RD3: variants seen among roughly 807,000 people sequenced by gnomAD.
RD3 encodes RD3 regulator of GUCY2D.
Under a neutral mutation model 16.9 loss-of-function variants are expected in RD3, and 11 were observed. The observed-to-expected ratio is 0.65, with a 90% CI of 0.41 to 1.08. RD3 has a LOEUF of 1.08. Among genes scored for constraint, RD3 ranks in the 50% least tolerant of loss-of-function variants. The pLI, the probability that RD3 is intolerant of heterozygous loss-of-function variation, is 0.00. For synonymous variants in RD3, 116 were observed against 114.8 expected (o/e 1.01, Z -0.07); for missense variants, 274 against 267.4 (o/e 1.02, Z -0.17).
At position 211,481,550 on chromosome 1, in the gene RD3, A is replaced by G. The variant is rs867586965; in HGVS notation, c.-11-124T>C. On this transcript the variant is annotated intron_variant, in intron 1 of 2. Coordinates refer to ENST00000680073, the MANE Select transcript of RD3 (RefSeq NM_001164688.2). ...AGGAGAGAAGACCTGCTCTGCCCTA[A>G]CAGTTGAGTGGCCTCAAGTAGGTGG... 9.2e-5 allele frequency: 77 copies of G among 834,324 alleles called. No homozygotes were observed. In the Middle Eastern group the frequency reaches 2.5e-3, roughly 27 times the overall value. 51.7% of individuals were successfully genotyped at this position (834,324 alleles called of 1,614,324 possible).
chr1:211,491,359 T>A (rs186197488), intron 1 of RD3, among the ~76,000 whole-genome samples: 2 of 152,336 alleles, frequency 1.3e-5, no homozygotes, highest in Admixed American at 6.5e-5. Flanking sequence ...CGCAAACCCA[T>A]GCAAGAGTCT....
chr1:211,481,428 T>C lies in RD3; in HGVS notation c.-11-2A>G. The C allele has an allele frequency of 6.2e-7, 1 of 1,611,728 alleles. No homozygotes were observed. Among genetic ancestry groups the C allele is most frequent in the South Asian group, 1.1e-5 (1 of 90,960 alleles). ...AGATGAGAGACATAGCCCCTGGCCC[T>C]GCTGAGACAGGACAGATGTGCATCT... is the stretch of plus-strand genomic sequence containing the variant. On this transcript the variant is annotated splice_acceptor_variant, in intron 1 of 2. Coordinates refer to ENST00000680073, the MANE Select transcript of RD3 (RefSeq NM_001164688.2). LOFTEE classifies it low-confidence loss of function (5UTR_SPLICE).
chr1:211,479,493 C>T (rs2102366708), intron 2 of RD3, among the ~76,000 whole-genome samples, 166 bp from the exon 3 acceptor site: 1 of 152,374 alleles, frequency 6.6e-6, no homozygotes, highest in Admixed American at 6.5e-5. Context: ...ACTGCTTCAA[C>T]CAATCCTGCG....
In RD3 at chr1:211,481,406, T is replaced by C; in HGVS notation, c.10A>G (p.Ile4Val). The C allele has an allele frequency of 6.2e-7, 1 of 1,612,594 alleles. No individual in the cohort carries two copies. Among genetic ancestry groups the C allele is most frequent in the Non-Finnish European group, 8.5e-7 (1 of 1,179,952 alleles). Residue 4 changes from isoleucine (I) to valine (V), a missense_variant, in exon 2 of 3, where the codon ATC (isoleucine) becomes GTC (valine). By Grantham distance (29) the Ile-to-Val change is conservative. Transcript: ENST00000680073. ...GCCTCGTTCCACCGAAGCCATGAGA[T>C]GAGAGACATAGCCCCTGGCCCTGCT... MSLISWLRWNEAPS... is the reference protein window; with the variant it reads MSLVSWLRWNEAPS...
rs777881124 is a variant in RD3, at chr1:211,481,263, G to A, written c.153C>T (p.Val51=). The A allele has an allele frequency of 3.1e-6, 5 of 1,614,272 alleles. No homozygotes were observed. Among genetic ancestry groups the A allele is most frequent in the Non-Finnish European group, 4.2e-6 (5 of 1,180,056 alleles). The part of the protein sequence containing the change: ...ERQQRERSNA[V]RKVCTGVDYS... ...AGTCCACACCGGTGCAGACCTTTCT[G>A]ACCGCATTGCTGCGCTCCCGCTGCT... The change falls in exon 2 of 3, where the codon GTC becomes GTT. Residue 51 remains valine, a synonymous_variant. Coordinates refer to ENST00000680073, the MANE Select transcript of RD3 (RefSeq NM_001164688.2).
In RD3 at chr1:211,481,200, G is replaced by A. The variant is rs1000170708; in HGVS notation, c.216C>T (p.Asp72=). Residue 72 remains aspartate (D), a synonymous_variant, in exon 2 of 3, where the codon GAC becomes GAT. Coordinates refer to ENST00000680073, the MANE Select transcript of RD3 (RefSeq NM_001164688.2). ...GCTGCAACCGCTCAATGGGGCTGAG[G>A]TCATAGGTGGACCGGGGTGTGCTGG... ...WLASTPRSTY[D]LSPIERLQLE... is the part of the protein sequence containing the mutation. 3.1e-6 allele frequency: 5 copies of A among 1,614,148 alleles called. No homozygotes were observed. The highest frequency in any genetic ancestry group is 3.3e-5 in the Admixed American group (2 of 60,014).
At chr1:211,491,574 C>T (rs113227165) in intron 1 of RD3, among the ~76,000 whole-genome samples, 194 bp downstream of exon 1, 1 of 152,204 alleles carries the variant, frequency 6.6e-6, no homozygotes, top group Non-Finnish European at 1.5e-5. Context: ...TCCTGTGGAA[C>T]TGATGAGGAC....
intron 1 of RD3, among the ~76,000 whole-genome samples, chr1:211,489,985 C>T (rs1558182635): frequency 6.6e-6 from 1 of 152,194 alleles, no homozygotes; most frequent in Non-Finnish European, 1.5e-5. Context: ...ACCCCTTCCA[C>T]CCCCACACTC....
chr1:211,484,675 G>C (rs1705338077), intron 1 of RD3, among the ~76,000 whole-genome samples: 1 of 152,234 alleles, frequency 6.6e-6, no homozygotes, highest in African/African-American at 2.4e-5. Flanking sequence ...GTGAGATTCA[G>C]ACAGCATTCT....
At chr1:211,486,095 G>A (rs1432882570) in intron 1 of RD3, among the ~76,000 whole-genome samples, 3 of 151,366 alleles carry the variant, frequency 2.0e-5, no homozygotes, top group Non-Finnish European at 4.4e-5. Flanking sequence ...CGGTTGCAGT[G>A]AGTTGAGATC....
chr1:211,488,914 G>T (rs558296700), intron 1 of RD3, among the ~76,000 whole-genome samples: 2 of 152,232 alleles, frequency 1.3e-5, no homozygotes, highest in African/African-American at 4.8e-5. Flanking sequence ...GGGTGGCCTG[G>T]CTGCACCCCC....
In RD3 at chr1:211,478,863, A is replaced by T; in HGVS notation, c.*173T>A. Reference sequence around the variant, plus strand: ...CCTAACTCAGCTTTGTGGCCAGAGGAAGAGGATGGGGCAGGGAGTCGCTTC... The same window carrying T: ...CCTAACTCAGCTTTGTGGCCAGAGGTAGAGGATGGGGCAGGGAGTCGCTTC... On this transcript the variant is annotated 3_prime_UTR_variant, in exon 3 of 3. Transcript: ENST00000680073. 1.6e-6 allele frequency: 1 copy of T among 632,432 alleles called. No homozygotes were observed. The highest frequency in any genetic ancestry group is 2.7e-6 in the Non-Finnish European group (1 of 372,424). The allele number at this position is 632,432 out of a possible 1,614,324, so 39.2% of individuals were successfully genotyped here.
At position 211,478,783 on chromosome 1, in the gene RD3, G is replaced by A; in HGVS notation, c.*253C>T. Reference sequence around the variant, plus strand: ...AACCTTGAATCTGCCAGTTAGGGAAGGGGCTGCTCCTGCAGACTAGCGCAG... The same window carrying A: ...AACCTTGAATCTGCCAGTTAGGGAAAGGGCTGCTCCTGCAGACTAGCGCAG... On this transcript the variant is annotated 3_prime_UTR_variant, in exon 3 of 3. Coordinates refer to ENST00000680073, the MANE Select transcript of RD3 (RefSeq NM_001164688.2). 2.0e-6 allele frequency: 1 copy of A among 503,274 alleles called. No individual in the cohort carries two copies. The highest frequency in any genetic ancestry group is 5.2e-4 in the Middle Eastern group (1 of 1,930). The allele number at this position is 503,274 out of a possible 1,614,324, so 31.2% of individuals were successfully genotyped here.
chr1:211,487,895 A>T (rs1237812216), intron 1 of RD3, among the ~76,000 whole-genome samples: 1 of 152,144 alleles, frequency 6.6e-6, no homozygotes, highest in Non-Finnish European at 1.5e-5. Context: ...AGGAGTGTAC[A>T]CTCAAGAGAG....
rs533653369 is a variant in RD3, at chr1:211,478,498, T to C, written c.*538A>G. ...ACATTTACTAGCTGAAGAGAGTGGA[T>C]CTAAATGTCTCTCTGGTCCCTTCCA... On this transcript the variant is annotated 3_prime_UTR_variant, in exon 3 of 3. Transcript: ENST00000680073. 13 of 261,926 alleles carry C rather than the reference T, an allele frequency of 5.0e-5. No homozygotes were observed. The highest frequency in any genetic ancestry group is 1.1e-4 in the Admixed American group (2 of 18,516). The allele number at this position is 261,926 out of a possible 1,614,324, so 16.2% of individuals were successfully genotyped here.
Position 211,484,570 on chromosome 1 carries a change from A to C in RD3, c.-11-3144T>G, listed in dbSNP as rs113540785. Reference sequence around the variant, plus strand: ...GCCTCCAGGGCAAATTGACTGCAGAATATCCATGCCACAGCCACATAAGCT... The same window carrying C: ...GCCTCCAGGGCAAATTGACTGCAGACTATCCATGCCACAGCCACATAAGCT... On this transcript the variant is annotated intron_variant, in intron 1 of 2. Transcript: ENST00000680073. Among the ~76,000 whole-genome samples, 688 of 152,370 alleles carry C rather than the reference A, an allele frequency of 4.5e-3. 10 individuals are homozygous for C. The highest frequency in any genetic ancestry group is 0.015 in the African/African-American group (640 of 41,588).
intron 1 of RD3, among the ~76,000 whole-genome samples, chr1:211,491,177 C>G (rs112112041): frequency 6.6e-6 from 1 of 152,306 alleles, no homozygotes; most frequent in South Asian, 2.1e-4. Flanking sequence ...TGGCGCCCCA[C>G]CCTGCACCCA....
chr1:211,478,246 C>T lies in RD3; in HGVS notation c.*790G>A, dbSNP rs905533793. ...GGTAATGAGTAACCTACCTCCACCC[C>T]TAGCTACACTTCTTGGAGAGCAGCT... On this transcript the variant is annotated 3_prime_UTR_variant, in exon 3 of 3. Coordinates refer to ENST00000680073, the MANE Select transcript of RD3 (RefSeq NM_001164688.2). The T allele has an allele frequency of 5.0e-6, 2 of 398,394 alleles. No individual in the cohort carries two copies. Among genetic ancestry groups the T allele is most frequent in the Middle Eastern group, 6.3e-4 (1 of 1,588 alleles). 24.7% of individuals were successfully genotyped at this position (398,394 alleles called of 1,614,324 possible).
Position 211,479,007 on chromosome 1 carries a change from T to C in RD3, c.*29A>G, listed in dbSNP as rs764542676. ...GCCTATCATTCCCCCTGCAGAAGGC[T>C]CCGCTTCTGGGCAGGGAAGCGGCCG... On this transcript the variant is annotated 3_prime_UTR_variant, in exon 3 of 3. Transcript: ENST00000680073. 7.2e-5 allele frequency: 113 copies of C among 1,570,098 alleles called. No homozygotes were observed. The highest frequency in any genetic ancestry group is 8.4e-5 in the Non-Finnish European group (98 of 1,161,160).
Sources: gnomAD v4.1 joint callset for allele counts (sites outside exome capture counted in the v4.1 genomes callset) on GRCh38, gnomAD v4.1.1 for gene constraint, MANE v1.5 for transcripts, NCBI Gene and HGNC (gene_info 2026-07-23, HGNC 2026-07-21) for gene names.